ACTN1: variants seen among roughly 807,000 people sequenced by gnomAD.
The protein encoded by ACTN1 is actinin alpha 1.
ACTN1 carries 30 observed loss-of-function variants against 119.6 expected under a neutral mutation model. The observed-to-expected ratio is 0.25, with a 90% CI of 0.19 to 0.34. ACTN1 has a LOEUF of 0.34. Ranked by LOEUF, ACTN1 falls within the 10% of genes least tolerant of loss-of-function variation. ACTN1 has a pLI of 1.00. For missense variants in ACTN1, 764 were observed against 1,223.4 expected (o/e 0.62, Z 5.60); for synonymous variants, 429 against 472.6 (o/e 0.91, Z 1.20).
At chr14:68,969,106 C>T (rs574399624) in intron 1 of ACTN1, among the ~76,000 whole-genome samples, 3 of 152,242 alleles carry the variant, frequency 2.0e-5, no homozygotes, top group East Asian at 3.9e-4. Flanking sequence ...ACTGAGACCC[C>T]AATGTGGCAT....
chr14:68,939,691 T>C (rs1028672554), intron 1 of ACTN1, among the ~76,000 whole-genome samples: 8 of 152,154 alleles, frequency 5.3e-5, no homozygotes, highest in Admixed American at 3.3e-4. Flanking sequence ...GTGATAAAAA[T>C]GTTCAAAACT....
At chr14:68,917,211 CT>C (rs543327853) in intron 3 of ACTN1, among the ~76,000 whole-genome samples, 242 of 152,328 alleles carry the variant, frequency 1.6e-3, no homozygotes, top group African/African-American at 5.4e-3. Flanking sequence ...CTAACCTCCC[CT>C]TTATGTGTGG....
At chr14:68,934,805 T>C (rs2140451176) in intron 1 of ACTN1, among the ~76,000 whole-genome samples, 1 of 152,250 alleles carries the variant, frequency 6.6e-6, no homozygotes, top group South Asian at 2.1e-4. Flanking sequence ...TATGTTACTA[T>C]GAAAAAAACT....
intron 1 of ACTN1, among the ~76,000 whole-genome samples, chr14:68,927,818 A>G (rs1316256504): frequency 6.6e-6 from 1 of 152,232 alleles, no homozygotes; most frequent in East Asian, 1.9e-4. Context: ...TAAAACAAAT[A>G]TAATTTACTT....
intron 16 of ACTN1, 79 bp from the exon 17 acceptor site, chr14:68,881,068 ACTTATTAAG>A: frequency 1.4e-6 from 2 of 1,399,516 alleles, no homozygotes; most frequent in Non-Finnish European, 2.0e-6. Context: ...CTCCAAAATC[ACTTATTAAG>A]CCCTCAAATG....
chr14:68,936,062 G>A (rs764757044), intron 1 of ACTN1, among the ~76,000 whole-genome samples: 1 of 148,848 alleles, frequency 6.7e-6, no homozygotes, highest in Non-Finnish European at 1.5e-5. Flanking sequence ...CTCTGCTAGC[G>A]CAAACAAGTC....
At chr14:68,893,772 C>G in intron 8 of ACTN1, 25 bp from the exon 9 acceptor site, 2 of 1,611,312 alleles carry the variant, frequency 1.2e-6, no homozygotes, top group Non-Finnish European at 1.7e-6. Flanking sequence ...GAGAGAGTCA[C>G]GACCAGCCAG....
In ACTN1 at chr14:68,879,062, G is replaced by A. The variant is rs1363986317; in HGVS notation, c.2288C>T (p.Ser763Phe). Residue 763 changes from serine to phenylalanine, a missense_variant, in exon 19 of 22, where the codon TCC becomes TTC. Physicochemically the swap from Ser to Phe is radical, Grantham distance 155. Coordinates refer to ENST00000394419, the MANE Select transcript of ACTN1 (RefSeq NM_001130004.2). This position sits in a 1 kb window ranked among gnomAD's most constrained non-coding sequence, Gnocchi z 4.9. ...GAACTCCTCGGGACCCAGTGTGCCG[G>A]AGTGATCCTGGGGCCGCGGTGCGCC... is the stretch of plus-strand genomic sequence containing the variant. Reference protein sequence around the residue: ...ASFNHFDRDHSGTLGPEEFKA... With the variant: ...ASFNHFDRDHFGTLGPEEFKA... 4 of 1,609,078 alleles carry A rather than the reference G, an allele frequency of 2.5e-6. No individual in the cohort carries two copies. Among genetic ancestry groups the A allele is most frequent in the Non-Finnish European group, 3.4e-6 (4 of 1,176,918 alleles).
chr14:68,878,783 G>C lies in ACTN1; in HGVS notation c.2361+206C>G, dbSNP rs184910112. On this transcript the variant is annotated intron_variant, in intron 19 of 21. Coordinates refer to ENST00000394419, the MANE Select transcript of ACTN1 (RefSeq NM_001130004.2). The surrounding 1 kb of genome is among the most constrained non-coding windows in gnomAD (Gnocchi z 4.4). Reference sequence around the variant, plus strand: ...AAGAGCAGCGAGGACGGAAGACAGCGGGCACCCAGTAGGTTGCCATGAAAG... The same window carrying C: ...AAGAGCAGCGAGGACGGAAGACAGCCGGCACCCAGTAGGTTGCCATGAAAG... The C allele has an allele frequency of 1.2e-5, 19 of 1,567,874 alleles. No individual in the cohort carries two copies. Among genetic ancestry groups the C allele is most frequent in the Non-Finnish European group, 1.6e-5 (19 of 1,164,890 alleles).
chr14:68,910,509 A>G (rs2033941326), intron 4 of ACTN1, among the ~76,000 whole-genome samples: 1 of 152,190 alleles, frequency 6.6e-6, no homozygotes, highest in African/African-American at 2.4e-5. Context: ...TTTTTAATCT[A>G]AAAAATAAGG....
At chr14:68,877,506 T>C (rs2031039857) in intron 20 of ACTN1, 1 of 464,596 alleles carries the variant, frequency 2.2e-6, no homozygotes, top group Non-Finnish European at 3.8e-6. Flanking sequence ...ATGACAACAA[T>C]GATTAACAAT....
chr14:68,936,806 C>A (rs1467052268), intron 1 of ACTN1: 3 of 605,700 alleles, frequency 5.0e-6, no homozygotes, highest in Admixed American at 1.9e-5. Context: ...GTGGTGCCAA[C>A]GCCAAGCAAT....
Position 68,879,487 on chromosome 14 carries a change from G to C in ACTN1, c.2281-418C>G, listed in dbSNP as rs896453520. ...CCGCCCGCAAGCCCCAGGGCACTGG[G>C]AAGGGGCAGCCCACTAAAACCCAGC... On this transcript the variant is annotated intron_variant, in intron 18 of 21. Coordinates refer to ENST00000394419, the MANE Select transcript of ACTN1 (RefSeq NM_001130004.2). The surrounding 1 kb of genome is among the most constrained non-coding windows in gnomAD (Gnocchi z 4.9). Among the ~76,000 whole-genome samples, 1 of 152,186 alleles carries C rather than the reference G, an allele frequency of 6.6e-6. No individual in the cohort carries two copies. The highest frequency in any genetic ancestry group is 2.4e-5 in the African/African-American group (1 of 41,450).
At position 68,882,693 on chromosome 14, in the gene ACTN1, A is replaced by G; in HGVS notation, c.1819-101T>C. 6.4e-7 allele frequency: 1 copy of G among 1,560,452 alleles called. No homozygotes were observed. Among genetic ancestry groups the G allele is most frequent in the Non-Finnish European group, 8.7e-7 (1 of 1,145,820 alleles). ...CCCAGAAGGGGAAGGGCCGGTCAGTAACAGAACAGGAGTAAAGGTGTCAAC... is the reference window on the plus strand; with the variant it reads ...CCCAGAAGGGGAAGGGCCGGTCAGTGACAGAACAGGAGTAAAGGTGTCAAC... On this transcript the variant is annotated intron_variant, in intron 15 of 21. Coordinates refer to ENST00000394419, the MANE Select transcript of ACTN1 (RefSeq NM_001130004.2). This position sits in a 1 kb window ranked among gnomAD's most constrained non-coding sequence, Gnocchi z 4.5.
intron 1 of ACTN1, among the ~76,000 whole-genome samples, chr14:68,962,280 G>A (rs1055462182): frequency 9.2e-5 from 14 of 152,244 alleles, no homozygotes; most frequent in South Asian, 6.2e-4. Context: ...TAGCCTTGGC[G>A]AGCAAGCAGG....
intron 7 of ACTN1, among the ~76,000 whole-genome samples, chr14:68,903,492 G>A (rs977754867): frequency 3.4e-5 from 5 of 147,900 alleles, no homozygotes; most frequent in East Asian, 2.2e-4. Flanking sequence ...AGCGGAGATC[G>A]CACCACAGCA....
chr14:68,946,690 C>T (rs570930886), intron 1 of ACTN1, among the ~76,000 whole-genome samples: 2 of 152,286 alleles, frequency 1.3e-5, no homozygotes, highest in East Asian at 3.9e-4. Flanking sequence ...TTTCAGAAGG[C>T]ACACCTGGGG....
chr14:68,884,629 T>C (rs770384457), intron 13 of ACTN1, 146 bp downstream of exon 13: 11 of 738,226 alleles, frequency 1.5e-5, no homozygotes, highest in Non-Finnish European at 2.5e-5. Context: ...TGTGCCAAAG[T>C]GAATCTTCCA....
chr14:68,905,846 G>A (rs1594792039), intron 6 of ACTN1, among the ~76,000 whole-genome samples: 1 of 152,088 alleles, frequency 6.6e-6, no homozygotes, highest in Admixed American at 6.5e-5. Context: ...ACAAAAATTA[G>A]CTGGGTGTGG....
Sources: allele counts gnomAD v4.1 joint callset (sites outside exome capture counted in the v4.1 genomes callset), GRCh38; gene constraint gnomAD v4.1.1; non-coding constraint Gnocchi (gnomAD v3.1); transcripts MANE v1.5; gene names NCBI Gene and HGNC (gene_info 2026-07-23, HGNC 2026-07-21).